SORCS1: variants seen among roughly 807,000 people sequenced by gnomAD.
SORCS1 encodes sortilin related VPS10 domain containing receptor 1.
SORCS1 carries 60 observed loss-of-function variants against 146.1 expected under a neutral mutation model. That is an observed-to-expected ratio of 0.41 (90% CI 0.33 to 0.51). SORCS1 has a LOEUF of 0.51. SORCS1 is among the 20% of genes least tolerant of loss of function. The probability of loss-of-function intolerance (pLI) is 0.21; values close to 1 mark genes in which losing one functional copy is unlikely to be tolerated. For synonymous variants in SORCS1, 637 were observed against 584.0 expected (o/e 1.09, Z -1.31); for missense variants, 1,352 against 1,487.6 (o/e 0.91, Z 1.50).
chr10:106,814,304 G>A (rs1002626188), intron 3 of SORCS1, among the ~76,000 whole-genome samples: 1 of 152,098 alleles, frequency 6.6e-6, no homozygotes, highest in Non-Finnish European at 1.5e-5. Context: ...TATATAATTC[G>A]TATTTAAAAC....
At chr10:107,003,448 G>GTC (rs1431620529) in intron 1 of SORCS1, among the ~76,000 whole-genome samples, 1 of 149,180 alleles carries the variant, frequency 6.7e-6, no homozygotes, top group African/African-American at 2.4e-5. Flanking sequence ...GTGTGTGTGT[G>GTC]TGTGTGTGTG....
At position 106,940,095 on chromosome 10, in the gene SORCS1, C is replaced by T. The variant is rs368659452; in HGVS notation, c.626+16418G>A. 9.2e-5 allele frequency among the ~76,000 whole-genome samples: 14 copies of T among 152,302 alleles called. No homozygotes were observed. In the South Asian group the frequency reaches 2.7e-3, roughly 29 times the overall value. On this transcript the variant is annotated intron_variant, in intron 2 of 25. Coordinates refer to ENST00000263054, the MANE Select transcript of SORCS1 (RefSeq NM_052918.5). Reference sequence around the variant, plus strand: ...GCATTAGATAAGCTTCCAGCACTCACGAAAGCATCATTACAGACATTCAGC... The same window carrying T: ...GCATTAGATAAGCTTCCAGCACTCATGAAAGCATCATTACAGACATTCAGC...
intron 4 of SORCS1, among the ~76,000 whole-genome samples, chr10:106,765,817 A>T (rs1308565052): frequency 6.6e-6 from 1 of 151,810 alleles, no homozygotes; most frequent in Non-Finnish European, 1.5e-5. Context: ...ACAAGCTTGC[A>T]ATTGTCAGTG....
intron 1 of SORCS1, among the ~76,000 whole-genome samples, chr10:106,977,513 C>T (rs1956077325): frequency 6.6e-6 from 1 of 151,140 alleles, no homozygotes; most frequent in South Asian, 2.1e-4. Context: ...ATCATCTGTG[C>T]TTCTTTAGTA....
intron 1 of SORCS1, among the ~76,000 whole-genome samples, chr10:106,996,178 G>T (rs1283945131): frequency 7.0e-6 from 1 of 142,410 alleles, no homozygotes; most frequent in Non-Finnish European, 1.5e-5. Flanking sequence ...AGTAAGCCAA[G>T]ACTGCGCCAC....
At chr10:106,805,588 G>A (rs1203470526) in intron 3 of SORCS1, among the ~76,000 whole-genome samples, 1 of 152,154 alleles carries the variant, frequency 6.6e-6, no homozygotes, top group African/African-American at 2.4e-5. Flanking sequence ...CCAGGAAGAT[G>A]AGACAAGTTG....
intron 3 of SORCS1, among the ~76,000 whole-genome samples, chr10:106,829,241 T>C (rs1427127183): frequency 2.0e-5 from 3 of 152,242 alleles, no homozygotes; most frequent in African/African-American, 4.8e-5. Flanking sequence ...CCATCTTTTC[T>C]GCTGTCTTGT....
chr10:106,995,759 A>G (rs75761326), intron 1 of SORCS1, among the ~76,000 whole-genome samples: 2,083 of 152,268 alleles, frequency 0.014, 45 homozygotes, highest in African/African-American at 0.046. Context: ...TAGCAGCAAC[A>G]ATAATAATAC....
intron 18 of SORCS1, among the ~76,000 whole-genome samples, chr10:106,648,438 A>C (rs1849613635): frequency 6.6e-6 from 1 of 152,176 alleles, no homozygotes. Context: ...TTCGCTCCAC[A>C]TACTGTGCTA....
At chr10:106,974,677 T>G (rs1053624581) in intron 1 of SORCS1, among the ~76,000 whole-genome samples, 2 of 152,176 alleles carry the variant, frequency 1.3e-5, no homozygotes, top group African/African-American at 4.8e-5. Context: ...TCAGCCCTGC[T>G]AATTACCAAC....
rs1456922429 is a variant in SORCS1 at position 106,677,316 on chromosome 10, A to T, written c.1829T>A (p.Leu610His). The T allele has an allele frequency of 4.3e-6, 7 of 1,613,738 alleles. No individual in the cohort carries two copies. In the Admixed American group the frequency reaches 1.0e-4, roughly 23 times the overall value. ...MKHTSLPIRH[L>H]WLSFDEGRSW... ...CACAGGCAGCATGTGCCCTTACCAA[A>T]GATGTCGAATTGGGAGAGATGTGTG... The change falls in exon 13 of 26, where the codon CTT (leucine) becomes CAT (histidine). Residue 610 changes from leucine to histidine, a missense_variant. Leu to His is a moderately conservative substitution (Grantham distance 99). Around this residue, in one of 3 missense-constraint regions of SORCS1, gnomAD observed 648 missense variants for 793.8 expected, o/e 0.82. Transcript: ENST00000263054.
At chr10:107,124,344 T>G (rs1050557021) in intron 1 of SORCS1, among the ~76,000 whole-genome samples, 3 of 152,146 alleles carry the variant, frequency 2.0e-5, no homozygotes, top group Admixed American at 6.5e-5. Context: ...CCATCTGAAA[T>G]GTATTTAAGT....
At chr10:107,170,456 T>C in the SORCS1 span, among the ~76,000 whole-genome samples, 1 of 152,164 alleles carries the variant, frequency 6.6e-6, no homozygotes, top group African/African-American at 2.4e-5. Context: ...AGCTTCTATA[T>C]GATAAGAAGT....
In SORCS1 at chr10:106,612,163, C is replaced by G. The variant is rs541025998; in HGVS notation, c.2921-140G>C. 565 of 605,448 alleles carry G rather than the reference C, an allele frequency of 9.3e-4. 1 individual carries two copies. The highest frequency in any genetic ancestry group is 1.5e-3 in the Non-Finnish European group (504 of 342,846). 37.5% of individuals were successfully genotyped at this position (605,448 alleles called of 1,614,324 possible). On this transcript the variant is annotated intron_variant, in intron 21 of 25. Transcript: ENST00000263054. ...ACCTTTTTAGAAGGCAAGCCACTACCCTGTGAATATCTCACCAGCCCCTTC... is the reference window on the plus strand; with the variant it reads ...ACCTTTTTAGAAGGCAAGCCACTACGCTGTGAATATCTCACCAGCCCCTTC...
chr10:106,829,532 T>C, intron 3 of SORCS1, 42 bp downstream of exon 3: 1 of 1,448,440 alleles, frequency 6.9e-7, no homozygotes, highest in Non-Finnish European at 9.6e-7. Flanking sequence ...AAGACAGAAG[T>C]CACATCATGA....
intron 24 of SORCS1, among the ~76,000 whole-genome samples, chr10:106,588,738 G>T (rs1398767390): frequency 6.6e-6 from 1 of 151,644 alleles, no homozygotes; most frequent in African/African-American, 2.4e-5. Context: ...GCAGGTGCCT[G>T]CGGTTCCAGC....
intron 5 of SORCS1, among the ~76,000 whole-genome samples, chr10:106,738,212 T>C (rs1857103440): frequency 6.6e-6 from 1 of 152,242 alleles, no homozygotes; most frequent in Admixed American, 6.5e-5. Context: ...CTTATCTTTA[T>C]CAGTAATTTA....
intron 1 of SORCS1, among the ~76,000 whole-genome samples, chr10:107,053,351 T>C (rs557661454): frequency 6.6e-6 from 1 of 152,294 alleles, no homozygotes; most frequent in East Asian, 1.9e-4. Flanking sequence ...CTTTTTGCCA[T>C]TACTGGAAGC....
chr10:106,619,503 A>C (rs900288523), intron 20 of SORCS1, among the ~76,000 whole-genome samples: 1 of 152,216 alleles, frequency 6.6e-6, no homozygotes, highest in African/African-American at 2.4e-5. Context: ...CTCTGATGGA[A>C]GAAGATGGAG....
Sources: allele counts gnomAD v4.1 joint callset (sites outside exome capture counted in the v4.1 genomes callset), GRCh38; gene constraint gnomAD v4.1.1; regional missense constraint gnomAD v4.1.1; transcripts MANE v1.5; gene names NCBI Gene and HGNC (gene_info 2026-07-23, HGNC 2026-07-21).